The following PCDH15 variants were observed in gnomAD, a reference collection of about 807,000 sequenced individuals.
PCDH15 encodes the protein protocadherin-15.
Under a neutral mutation model 178.5 loss-of-function variants are expected in PCDH15, and 129 were observed. The observed-to-expected ratio is 0.72, with a 90% CI of 0.63 to 0.84. The LOEUF is 0.84. PCDH15 is among the 40% of genes least tolerant of loss of function. The probability of loss-of-function intolerance (pLI) is 0.00; values close to 1 mark genes in which losing one functional copy is unlikely to be tolerated. For synonymous variants in PCDH15, 800 were observed against 732.0 expected (o/e 1.09, Z -1.50); for missense variants, 2,230 against 2,099.9 (o/e 1.06, Z -1.21).
At chr10:53,807,350 T>C (rs753745949) in intron 37 of PCDH15, among the ~76,000 whole-genome samples, 7 of 152,162 alleles carry the variant, frequency 4.6e-5, no homozygotes, top group Non-Finnish European at 8.8e-5. Flanking sequence ...AAATGTATTG[T>C]TGAGTTGGAA....
intron 2 of PCDH15, among the ~76,000 whole-genome samples, chr10:55,458,654 T>A (rs1266617440): frequency 6.6e-6 from 1 of 151,982 alleles, no homozygotes; most frequent in Non-Finnish European, 1.5e-5. Flanking sequence ...TAAAGCATGA[T>A]GAATAGCAGA....
intron 15 of PCDH15, among the ~76,000 whole-genome samples, chr10:54,118,172 T>C (rs913929795): frequency 6.6e-6 from 1 of 152,046 alleles, no homozygotes; most frequent in African/African-American, 2.4e-5. Context: ...CAAAACAACA[T>C]GCTACTGGTA....
At chr10:55,428,431 G>T (rs1838808574) in intron 2 of PCDH15, among the ~76,000 whole-genome samples, 2 of 151,586 alleles carry the variant, frequency 1.3e-5, no homozygotes. Flanking sequence ...TAACAGAATT[G>T]GTTCTGAAAT....
intron 2 of PCDH15, among the ~76,000 whole-genome samples, chr10:54,581,816 G>A (rs893024515): frequency 6.6e-6 from 1 of 151,796 alleles, no homozygotes; most frequent in South Asian, 2.1e-4. Context: ...AAAAGTGAAC[G>A]CTGGGTAATG....
intron 37 of PCDH15, among the ~76,000 whole-genome samples, chr10:53,807,750 A>AACTT (rs1564508721): frequency 6.6e-6 from 1 of 152,158 alleles, no homozygotes; most frequent in Non-Finnish European, 1.5e-5. Context: ...TAGATATACT[A>AACTT]ACTTAAAAGG....
chr10:53,927,002 C>T (rs954379660), intron 25 of PCDH15, among the ~76,000 whole-genome samples: 3 of 151,866 alleles, frequency 2.0e-5, no homozygotes, highest in Non-Finnish European at 2.9e-5. Flanking sequence ...CTCTGTAGCA[C>T]AAAAATAATG....
chr10:54,342,211 C>CT (rs1346812712), intron 6 of PCDH15, among the ~76,000 whole-genome samples: 3 of 151,988 alleles, frequency 2.0e-5, no homozygotes, highest in Admixed American at 1.3e-4. Context: ...TCATGGCAGC[C>CT]GCTCAAATCA....
intron 1 of PCDH15, among the ~76,000 whole-genome samples, chr10:55,191,328 T>C (rs1315034376): frequency 6.6e-6 from 1 of 151,864 alleles, no homozygotes; most frequent in African/African-American, 2.4e-5. Flanking sequence ...TTACCTATAT[T>C]ATTCACTTAC....
intron 8 of PCDH15, among the ~76,000 whole-genome samples, chr10:54,295,517 C>G (rs548965992): frequency 1.3e-5 from 2 of 152,210 alleles, no homozygotes; most frequent in African/African-American, 2.4e-5. Context: ...AGCTGTAACA[C>G]TCACTGAGAA....
intron 8 of PCDH15, among the ~76,000 whole-genome samples, chr10:54,263,614 A>G (rs1342323100): frequency 6.6e-6 from 1 of 152,162 alleles, no homozygotes; most frequent in Non-Finnish European, 1.5e-5. Context: ...TATGAAAGCC[A>G]CTGCAGGAAC....
At chr10:54,255,124 T>G (rs1025059526) in intron 8 of PCDH15, among the ~76,000 whole-genome samples, 1 of 152,234 alleles carries the variant, frequency 6.6e-6, no homozygotes, top group Non-Finnish European at 1.5e-5. Flanking sequence ...ATTTGTATTT[T>G]GGACAAACAT....
chr10:55,151,876 C>T lies in PCDH15; in HGVS notation c.-80+14700G>A, dbSNP rs576169433. On this transcript the variant is annotated intron_variant, in intron 2 of 5. Coordinates refer to the PCDH15 transcript ENST00000458638. ...CACATGTAAATAGATGAGAAGAATA[C>T]CAGGTGATAAGGATAAAGACAGGAT... 1.4e-4 allele frequency among the ~76,000 whole-genome samples: 22 copies of T among 151,894 alleles called. 1 individual carries two copies. Among genetic ancestry groups the T allele is most frequent in the Middle Eastern group, 3.4e-3 (1 of 292 alleles).
Position 53,995,677 on chromosome 10 carries a change from G to C in PCDH15, c.2840C>G (p.Thr947Arg). The change falls in exon 21 of 38, where the codon ACA (threonine) becomes AGA (arginine). Residue 947 changes from threonine (T) to arginine (R), a missense_variant. Transcript: ENST00000644397. ...PDAVKGTPITTVYAEDADPPG... is the reference protein window; with the variant it reads ...PDAVKGTPITRVYAEDADPPG... ...AGGGTCTGCATCTTCAGCATAAACT[G>C]TTGTGATAGGTGTACCCTTGACTGC... 3 of 1,613,938 alleles carry C rather than the reference G, an allele frequency of 1.9e-6. No homozygotes were observed. Among genetic ancestry groups the C allele is most frequent in the Non-Finnish European group, 2.5e-6 (3 of 1,179,842 alleles).
At chr10:54,078,361 C>T (rs1021465840) in intron 17 of PCDH15, among the ~76,000 whole-genome samples, 1 of 151,358 alleles carries the variant, frequency 6.6e-6, no homozygotes, top group Non-Finnish European at 1.5e-5. Flanking sequence ...TCTCAGAAAT[C>T]CTCCTAAAAT....
intron 18 of PCDH15, among the ~76,000 whole-genome samples, chr10:54,026,797 A>G (rs899732105): frequency 5.3e-5 from 8 of 152,194 alleles, no homozygotes; most frequent in Non-Finnish European, 1.0e-4. Flanking sequence ...TCTCAAAATA[A>G]TAAGAGCTAT....
At chr10:53,900,127 A>G (rs1483495967) in intron 26 of PCDH15, among the ~76,000 whole-genome samples, 3 of 152,090 alleles carry the variant, frequency 2.0e-5, no homozygotes, top group Admixed American at 2.0e-4. Flanking sequence ...TGAATCCACA[A>G]GACAATTTGC....
At chr10:53,953,232 T>C (rs938026500) in intron 23 of PCDH15, among the ~76,000 whole-genome samples, 1 of 152,250 alleles carries the variant, frequency 6.6e-6, no homozygotes, top group East Asian at 1.9e-4. Flanking sequence ...TTTCAAAAGT[T>C]TTAAGAAGAA....
intron 2 of PCDH15, chr10:54,641,054 A>G: frequency 3.8e-6 from 1 of 266,398 alleles, no homozygotes; most frequent in Non-Finnish European, 7.6e-6. Flanking sequence ...TGGTAAGCCG[A>G]GATGGTGCCA....
At chr10:54,826,421 A>G (rs1019354416) in intron 3 of PCDH15, among the ~76,000 whole-genome samples, 1 of 151,986 alleles carries the variant, frequency 6.6e-6, no homozygotes, top group Non-Finnish European at 1.5e-5. Context: ...ATGGCAAGAT[A>G]CAACTGAAAC....
Sources: gnomAD v4.1 joint callset for allele counts (sites outside exome capture counted in the v4.1 genomes callset) on GRCh38, gnomAD v4.1.1 for gene constraint, MANE v1.5 for transcripts, NCBI Gene and HGNC (gene_info 2026-07-23, HGNC 2026-07-21) for gene names.